Variants in PTGER3 observed in about 807,000 individuals in gnomAD.
PTGER3 encodes the protein prostaglandin E receptor 3, also known as prostaglandin E2 receptor EP3 subtype.
A neutral mutation model predicts 34.7 loss-of-function variants in PTGER3; 22 were observed. The ratio of observed to expected loss-of-function variants is 0.63; its 90% CI spans 0.45 to 0.91. PTGER3 has a LOEUF of 0.91. PTGER3 is among the 40% of genes least tolerant of loss of function. PTGER3 has a pLI of 0.00. For synonymous variants in PTGER3, 241 were observed against 230.1 expected, an observed-to-expected ratio of 1.05 and a Z score of -0.43; for missense variants, 468 against 519.4, an observed-to-expected ratio of 0.90 and a Z score of 0.96.
intron 1 of PTGER3, among the ~76,000 whole-genome samples, chr1:71,040,411 G>T (rs137951005): frequency 6.6e-6 from 1 of 152,062 alleles, no homozygotes; most frequent in African/African-American, 2.4e-5. Context: ...AGACCAAACT[G>T]CCCAACATGG....
Position 70,971,733 on chromosome 1 carries a change from T to A in PTGER3, c.1170A>T (p.Arg390Ser). ...AATGTCCAACTCCGTTCTTTCATTA[T>A]CTGTTAGAATAGAGAGAGAAAGATG... is the stretch of plus-strand genomic sequence containing the variant. Reference protein sequence around the residue: ...STLMWSDHLER With the variant: ...STLMWSDHLES The change falls in exon 4 of 4, where the codon AGA (arginine) becomes AGT (serine). Residue 390 changes from arginine (R) to serine (S), a missense_variant and splice_region_variant. Physicochemically the swap from Arg to Ser is moderately radical, Grantham distance 110. Coordinates refer to ENST00000306666, the MANE Select transcript of PTGER3 (RefSeq NM_198719.2). The A allele has an allele frequency of 6.4e-7, 1 of 1,550,924 alleles. No individual in the cohort carries two copies. Among genetic ancestry groups the A allele is most frequent in the African/African-American group, 1.4e-5 (1 of 72,570 alleles).
At chr1:70,868,780 A>G (rs1041513201) in intron 4 of PTGER3, among the ~76,000 whole-genome samples, 7 of 152,214 alleles carry the variant, frequency 4.6e-5, no homozygotes, top group African/African-American at 1.7e-4. Flanking sequence ...AGAAGAATGA[A>G]CCTCAAAAGT....
intron 1 of PTGER3, among the ~76,000 whole-genome samples, chr1:71,038,706 C>T (rs935150476): frequency 1.3e-5 from 2 of 152,074 alleles, no homozygotes; most frequent in African/African-American, 4.8e-5. Flanking sequence ...ATTTGCAGGC[C>T]ACAAATAATA....
chr1:70,882,277 G>T (rs1007387243), intron 4 of PTGER3, among the ~76,000 whole-genome samples: 1 of 152,166 alleles, frequency 6.6e-6, no homozygotes, highest in Admixed American at 6.5e-5. Flanking sequence ...ACAACAGAAT[G>T]CTGCACTCTT....
At chr1:71,016,106 T>C (rs1657870170) in intron 1 of PTGER3, among the ~76,000 whole-genome samples, 1 of 152,220 alleles carries the variant, frequency 6.6e-6, no homozygotes, top group South Asian at 2.1e-4. Flanking sequence ...TTAATATTTT[T>C]ATTTTTTGTA....
At chr1:70,924,899 A>T (rs1647903157) in intron 4 of PTGER3, among the ~76,000 whole-genome samples, 1 of 152,184 alleles carries the variant, frequency 6.6e-6, no homozygotes, top group Non-Finnish European at 1.5e-5. Context: ...TTCCTGTAAC[A>T]ATATGGCTAG....
intron 4 of PTGER3, among the ~76,000 whole-genome samples, chr1:70,920,121 T>C (rs566136141): frequency 6.6e-6 from 1 of 152,174 alleles, no homozygotes; most frequent in Non-Finnish European, 1.5e-5. Context: ...GTCTGATATA[T>C]GTAGAAACTG....
intron 2 of PTGER3, chr1:71,006,864 G>T (rs1417273044): frequency 1.0e-6 from 1 of 985,180 alleles, no homozygotes; most frequent in Non-Finnish European, 1.2e-6. Context: ...CGACATTTCA[G>T]AATATTCAAC....
chr1:70,860,779 C>T (rs888777643), intron 4 of PTGER3, among the ~76,000 whole-genome samples: 2 of 151,978 alleles, frequency 1.3e-5, no homozygotes, highest in African/African-American at 4.8e-5. Context: ...TGAAAGAGAA[C>T]AGAGACTTAG....
At chr1:70,893,994 G>C (rs1646672222) in intron 4 of PTGER3, among the ~76,000 whole-genome samples, 1 of 152,142 alleles carries the variant, frequency 6.6e-6, no homozygotes, top group Admixed American at 6.5e-5. Context: ...GTTTTGGTCA[G>C]AATGAAAAAT....
intron 2 of PTGER3, among the ~76,000 whole-genome samples, chr1:70,985,642 T>C (rs1390719139): frequency 6.6e-6 from 1 of 152,160 alleles, no homozygotes; most frequent in East Asian, 1.9e-4. Flanking sequence ...GACCAGTCGT[T>C]ACCTCCTCCT....
chr1:70,877,607 T>C (rs1229241927), intron 4 of PTGER3, among the ~76,000 whole-genome samples: 1 of 152,208 alleles, frequency 6.6e-6, no homozygotes, highest in Non-Finnish European at 1.5e-5. Context: ...AGATGGCTTT[T>C]ATTTTGAAAT....
chr1:70,925,392 G>A (rs1647963654), intron 4 of PTGER3, among the ~76,000 whole-genome samples: 1 of 152,144 alleles, frequency 6.6e-6, no homozygotes, highest in African/African-American at 2.4e-5. Flanking sequence ...TTGAACATTT[G>A]TCTATCCTGT....
At chr1:70,958,844 G>T (rs1002823015) in intron 2 of PTGER3, among the ~76,000 whole-genome samples, 1 of 152,112 alleles carries the variant, frequency 6.6e-6, no homozygotes, top group African/African-American at 2.4e-5. Context: ...AGTTAGAGTT[G>T]ATTTTTGTAT....
chr1:70,917,446 C>CGTGTGTGTTT, intron 4 of PTGER3, among the ~76,000 whole-genome samples: 1 of 81,730 alleles, frequency 1.2e-5, no homozygotes, highest in Middle Eastern at 6.0e-3. Flanking sequence ...TGTGTGTATA[C>CGTGTGTGTTT]AATCAATTCC....
intron 3 of PTGER3, chr1:70,953,622 G>C: frequency 8.1e-7 from 1 of 1,237,636 alleles, no homozygotes; most frequent in Non-Finnish European, 1.1e-6. Flanking sequence ...TTTGTGACTG[G>C]GATAGGTTCC....
chr1:70,908,558 C>G (rs1286162052), intron 4 of PTGER3, among the ~76,000 whole-genome samples: 1 of 152,160 alleles, frequency 6.6e-6, no homozygotes, highest in African/African-American at 2.4e-5. Flanking sequence ...TGGCTATTTT[C>G]CCTTCCTGTT....
intron 4 of PTGER3, among the ~76,000 whole-genome samples, chr1:70,932,034 G>C (rs2100501685): frequency 6.6e-6 from 1 of 152,246 alleles, no homozygotes; most frequent in Middle Eastern, 3.4e-3. Flanking sequence ...GTCATGTCTT[G>C]AATGCTTTGC....
chr1:70,899,745 G>A (rs940772198), intron 4 of PTGER3, among the ~76,000 whole-genome samples: 1 of 152,020 alleles, frequency 6.6e-6, no homozygotes, highest in Non-Finnish European at 1.5e-5. Flanking sequence ...CAGTTTGTAA[G>A]TTTGTTACAA....
Sources: gnomAD v4.1 joint callset for allele counts (sites outside exome capture counted in the v4.1 genomes callset) on GRCh38, gnomAD v4.1.1 for gene constraint, MANE v1.5 for transcripts, NCBI Gene and HGNC (gene_info 2026-07-23, HGNC 2026-07-21) for gene names.